The following FMN1 variants were observed in gnomAD, a reference collection of about 807,000 sequenced individuals.
The protein encoded by FMN1 is formin-1.
FMN1 carries 110 observed loss-of-function variants against 132.4 expected under a neutral mutation model. That is an observed-to-expected ratio of 0.83 (90% confidence interval 0.71 to 0.97). FMN1 has a LOEUF of 0.97. Among genes scored for constraint, FMN1 ranks in the 50% least tolerant of loss-of-function variants. FMN1 has a pLI of 0.00. For missense variants in FMN1, 1,792 were observed against 1,705.3 expected (o/e 1.05, Z -0.90); for synonymous variants, 722 against 651.7 (o/e 1.11, Z -1.64).
At chr15:32,956,831 T>G (rs1348684441) in intron 9 of FMN1, among the ~76,000 whole-genome samples, 3 of 152,212 alleles carry the variant, frequency 2.0e-5, no homozygotes, top group Non-Finnish European at 4.4e-5. Context: ...CAATAGGTTA[T>G]GAAAACCCTA....
Position 33,104,904 on chromosome 15 carries a change from A to G in FMN1, c.1868-15930T>C, listed in dbSNP as rs28580878. 3.8e-3 allele frequency among the ~76,000 whole-genome samples: 574 copies of G among 152,258 alleles called. 4 individuals carry two copies. Among genetic ancestry groups the G allele is most frequent in the Middle Eastern group, 0.01 (3 of 294 alleles). On this transcript the variant is annotated intron_variant, in intron 4 of 20. Transcript: ENST00000616417. ...TCTTAATATTTGCACCATCCAAAGA[A>G]AGAGCAAAAAGCTGAATCTAATTGG...
intron 16 of FMN1, among the ~76,000 whole-genome samples, chr15:32,869,396 T>C (rs1380392166): frequency 6.6e-6 from 1 of 152,166 alleles, no homozygotes; most frequent in Non-Finnish European, 1.5e-5. Context: ...AAAGTCTCAC[T>C]GTGAAGCTAT....
chr15:32,857,819 T>C (rs1364572713), intron 16 of FMN1, among the ~76,000 whole-genome samples: 2 of 152,248 alleles, frequency 1.3e-5, no homozygotes, highest in Non-Finnish European at 2.9e-5. Flanking sequence ...TTACGATTTG[T>C]CTACAGGGAA....
chr15:32,802,743 G>A (rs987162104), intron 18 of FMN1, among the ~76,000 whole-genome samples: 3 of 152,172 alleles, frequency 2.0e-5, no homozygotes, highest in African/African-American at 4.8e-5. Flanking sequence ...CTGAATTTCT[G>A]TTTGGCCTGA....
At chr15:33,122,068 A>T (rs1290161074) in intron 4 of FMN1, among the ~76,000 whole-genome samples, 5 of 152,102 alleles carry the variant, frequency 3.3e-5, no homozygotes, top group Non-Finnish European at 5.9e-5. Flanking sequence ...GAACAGACAA[A>T]TAAAGAATAC....
chr15:33,177,027 G>A (rs567535596), intron 3 of FMN1, among the ~76,000 whole-genome samples: 1 of 152,224 alleles, frequency 6.6e-6, no homozygotes, highest in South Asian at 2.1e-4. Context: ...CCACGTACTG[G>A]CCACTCTTCC....
intron 4 of FMN1, among the ~76,000 whole-genome samples, chr15:33,137,599 A>G (rs1248901431): frequency 2.0e-5 from 3 of 152,320 alleles, no homozygotes; most frequent in East Asian, 1.9e-4. Context: ...TCTGATTTTT[A>G]TTCAGATTCC....
chr15:33,127,450 T>C (rs756259758), intron 4 of FMN1, among the ~76,000 whole-genome samples: 18 of 152,190 alleles, frequency 1.2e-4, no homozygotes, highest in Non-Finnish European at 1.8e-4. Context: ...AACCTACATC[T>C]AACTGTAAAT....
intron 10 of FMN1, among the ~76,000 whole-genome samples, chr15:32,912,713 T>C (rs950535499): frequency 3.3e-5 from 5 of 152,066 alleles, no homozygotes; most frequent in African/African-American, 1.2e-4. Context: ...CAAGTTTCTT[T>C]TTCTGAAGGA....
chr15:32,846,090 C>T (rs2058849417), intron 17 of FMN1, among the ~76,000 whole-genome samples: 1 of 152,184 alleles, frequency 6.6e-6, no homozygotes, highest in Non-Finnish European at 1.5e-5. Flanking sequence ...ATTCAGATCA[C>T]TTAAAAACAC....
rs546927210 is a variant in FMN1 at position 33,073,816 on chromosome 15, A to ACCT, written c.2044-8745_2044-8743dup. Among the ~76,000 whole-genome samples the ACCT allele has an allele frequency of 5.4e-3, 805 of 150,038 alleles. 13 individuals carry two copies. The highest frequency in any genetic ancestry group is 0.019 in the African/African-American group (768 of 40,596). On this transcript the variant is annotated intron_variant, in intron 5 of 20. Transcript: ENST00000616417. ...CACAATCACTGCTCAGGCAGCCTTCACCTCCCCTTGCTCAAATGATTCTCC... is the reference window on the plus strand; with the variant it reads ...CACAATCACTGCTCAGGCAGCCTTCACCTCCTCCCCTTGCTCAAATGATTCTCC...
At chr15:32,882,779 T>C (rs2059801746) in intron 16 of FMN1, among the ~76,000 whole-genome samples, 2 of 151,834 alleles carry the variant, frequency 1.3e-5, no homozygotes, top group African/African-American at 4.9e-5. Context: ...TCCTGAATTT[T>C]ATTTAATAAA....
At chr15:32,974,130 T>C (rs2032011893) in intron 7 of FMN1, among the ~76,000 whole-genome samples, 1 of 152,202 alleles carries the variant, frequency 6.6e-6, no homozygotes, top group Non-Finnish European at 1.5e-5. Flanking sequence ...ACATTGAACA[T>C]GTGCTTGTAA....
intron 4 of FMN1, among the ~76,000 whole-genome samples, chr15:33,114,122 G>A (rs1477425131): frequency 2.6e-5 from 4 of 152,192 alleles, no homozygotes; most frequent in Non-Finnish European, 1.5e-5. Flanking sequence ...CTCTGAGCCT[G>A]TTCTGCCGTC....
chr15:33,117,958 C>T (rs905338031), intron 4 of FMN1, among the ~76,000 whole-genome samples: 2 of 152,074 alleles, frequency 1.3e-5, no homozygotes, highest in Non-Finnish European at 2.9e-5. Flanking sequence ...TACTGTTTTT[C>T]GTGTTCCTAG....
intron 10 of FMN1, among the ~76,000 whole-genome samples, chr15:32,917,422 G>A (rs554143684): frequency 6.6e-6 from 1 of 152,326 alleles, no homozygotes; most frequent in South Asian, 2.1e-4. Flanking sequence ...CAATTAAGTA[G>A]CAGCTTAAAA....
intron 17 of FMN1, among the ~76,000 whole-genome samples, chr15:32,853,067 T>G (rs1596087004): frequency 6.6e-6 from 1 of 152,312 alleles, no homozygotes; most frequent in East Asian, 1.9e-4. Context: ...CTCATCTGTA[T>G]AGCAGGGCGG....
chr15:33,174,614 A>G (rs1306532280), intron 3 of FMN1, among the ~76,000 whole-genome samples: 4 of 152,192 alleles, frequency 2.6e-5, no homozygotes, highest in African/African-American at 9.7e-5. Context: ...TAATTAGACA[A>G]TTCCTTAGCA....
chr15:32,847,868 A>C (rs1380326394), intron 17 of FMN1, among the ~76,000 whole-genome samples: 1 of 152,080 alleles, frequency 6.6e-6, no homozygotes, highest in Non-Finnish European at 1.5e-5. Flanking sequence ...AAAACAAACA[A>C]ACAAAAAAAT....
Sources: allele counts gnomAD v4.1 joint callset (sites outside exome capture counted in the v4.1 genomes callset), GRCh38; gene constraint gnomAD v4.1.1; transcripts MANE v1.5; gene names NCBI Gene and HGNC (gene_info 2026-07-23, HGNC 2026-07-21).